The following LGI1 variants were observed in gnomAD, a reference collection of about 807,000 sequenced individuals.
The protein encoded by LGI1 is leucine-rich glioma-inactivated protein 1.
In LGI1, 11 loss-of-function variants were observed where a neutral mutation model predicts 57.7. The observed-to-expected ratio is 0.19, with a 90% confidence interval of 0.12 to 0.32. The LOEUF is 0.32. Among genes scored for constraint, LGI1 ranks in the 10% least tolerant of loss-of-function variants. The probability of loss-of-function intolerance (pLI) is 1.00; values close to 1 mark genes in which losing one functional copy is unlikely to be tolerated. For missense variants in LGI1, 422 were observed against 661.9 expected (o/e 0.64, Z 3.98); for synonymous variants, 222 against 241.9 (o/e 0.92, Z 0.76).
chr10:93,782,448 G>C (rs936657884), intron 4 of LGI1, among the ~76,000 whole-genome samples: 1 of 152,206 alleles, frequency 6.6e-6, no homozygotes, highest in Non-Finnish European at 1.5e-5. Context: ...ACAGGGCCTG[G>C]TATGTAGTAA....
rs2134020895 is a variant in LGI1 at position 93,792,840 on chromosome 10, G to A, written c.601G>A (p.Glu201Lys). 2.5e-6 allele frequency: 4 copies of A among 1,614,030 alleles called. No individual in the cohort carries two copies. The highest frequency in any genetic ancestry group is 3.4e-6 in the Non-Finnish European group (4 of 1,180,004). ...TNATVEDIYCEGPPEYKKRKI... is the reference protein window; with the variant it reads ...TNATVEDIYCKGPPEYKKRKI... ...TGCAACTGTTGAAGACATCTACTGC[G>A]AAGGCCCCCCAGAATACAAGAAGCG... Residue 201 changes from glutamate to lysine, a missense_variant, in exon 6 of 8, where the codon GAA (glutamate) becomes AAA (lysine). Transcript: ENST00000371418.
At position 93,789,639 on chromosome 10, in the gene LGI1, C is replaced by T. The variant is rs543978328; in HGVS notation, c.432-460C>T. ...CTGTAATCCCAGCACTTTGGGAGGC[C>T]GAGGCGGGTGGATCACTGAAGCTCA... On this transcript the variant is annotated intron_variant, in intron 4 of 7. Transcript: ENST00000371418. The T allele has an allele frequency of 1.1e-3, 186 of 167,486 alleles. 1 individual carries two copies. Among genetic ancestry groups the T allele is most frequent in the Admixed American group, 2.9e-3 (51 of 17,630 alleles). The allele number at this position is 167,486 out of a possible 1,614,324, so 10.4% of individuals were successfully genotyped here. A position where few individuals can be genotyped will look rare whatever the true frequency, so the allele number is the denominator to read the frequency against.
chr10:93,792,057 T>C, intron 5 of LGI1: 1 of 152,806 alleles, frequency 6.5e-6, no homozygotes, highest in Non-Finnish European at 1.5e-5. Flanking sequence ...AGAGACTGAA[T>C]TTTAAATTTT....
intron 7 of LGI1, chr10:93,794,829 A>AT (rs2134023637): frequency 6.6e-6 from 1 of 152,310 alleles, no homozygotes; most frequent in South Asian, 2.1e-4. Context: ...ATAAAAGGTA[A>AT]CCCTTTAGAC....
In LGI1 at chr10:93,793,212, T is replaced by C; in HGVS notation, c.700T>C (p.Tyr234His). The change falls in exon 7 of 8, where the codon TAT becomes CAT. Residue 234 changes from tyrosine (Y) to histidine (H), a missense_variant. By Grantham distance (83) the Tyr-to-His change is moderately conservative. Coordinates refer to ENST00000371418, the MANE Select transcript of LGI1 (RefSeq NM_005097.4). The part of the protein sequence containing the change: ...TEFAKSQDLP[Y>H]QSLSIDTFSY... ...ATTTGCAAAGTCTCAAGACCTGCCT[T>C]ATCAATCATTGTCCATAGACACTTT... 6.2e-7 allele frequency: 1 copy of C among 1,613,016 alleles called. No individual in the cohort carries two copies. Among genetic ancestry groups the C allele is most frequent in the South Asian group, 1.1e-5 (1 of 90,974 alleles).
intron 4 of LGI1, among the ~76,000 whole-genome samples, chr10:93,779,157 A>G (rs1272574998): frequency 6.6e-6 from 1 of 152,110 alleles, no homozygotes; most frequent in Admixed American, 6.6e-5. Flanking sequence ...AAACAAATAT[A>G]TGGAAGGAGA....
chr10:93,760,689 C>T (rs777224112), intron 2 of LGI1, among the ~76,000 whole-genome samples: 35 of 152,192 alleles, frequency 2.3e-4, no homozygotes, highest in Non-Finnish European at 4.1e-4. Flanking sequence ...AAATAGTTAC[C>T]GGCTGCTGCA....
intron 7 of LGI1, among the ~76,000 whole-genome samples, chr10:93,795,960 G>A (rs2059976234): frequency 1.3e-5 from 2 of 152,234 alleles, no homozygotes; most frequent in African/African-American, 2.4e-5. Context: ...CCCCGCACTA[G>A]CGCTGTAGTC....
chr10:93,767,686 T>C (rs536020377), intron 2 of LGI1: 6 of 152,242 alleles, frequency 3.9e-5, no homozygotes, highest in Admixed American at 2.6e-4. Flanking sequence ...GACCATTTTG[T>C]TAGTGTGGAT....
chr10:93,780,900 C>T (rs548292611), intron 4 of LGI1, among the ~76,000 whole-genome samples: 15 of 152,332 alleles, frequency 9.8e-5, no homozygotes, highest in Non-Finnish European at 1.6e-4. Context: ...TAGACGTATA[C>T]TTTCAGGTCC....
intron 2 of LGI1, chr10:93,767,726 C>T (rs2059693597): frequency 6.6e-6 from 1 of 152,118 alleles, no homozygotes; most frequent in African/African-American, 2.4e-5. Flanking sequence ...GAGTCAGGCT[C>T]CTCAGTAGGC....
intron 2 of LGI1, chr10:93,776,945 C>T: frequency 4.4e-6 from 1 of 229,836 alleles, no homozygotes; most frequent in Non-Finnish European, 8.6e-6. Flanking sequence ...ACCAGGCATG[C>T]AGCTTACTTT....
At chr10:93,759,836 A>C (rs1242548535) in intron 2 of LGI1, among the ~76,000 whole-genome samples, 2 of 152,204 alleles carry the variant, frequency 1.3e-5, no homozygotes, top group African/African-American at 4.8e-5. Flanking sequence ...TGGACGTTGG[A>C]GAGACAAGTG....
At chr10:93,774,429 T>C (rs1298326127) in intron 2 of LGI1, among the ~76,000 whole-genome samples, 7 of 152,070 alleles carry the variant, frequency 4.6e-5, no homozygotes, top group African/African-American at 1.7e-4. Context: ...TCTTGGTGGG[T>C]TTTCCACCAC....
intron 2 of LGI1, chr10:93,777,170 A>C (rs1352728779): frequency 1.8e-5 from 11 of 622,126 alleles, no homozygotes; most frequent in Non-Finnish European, 3.2e-5. Flanking sequence ...GGAATCGGGC[A>C]CCAGGCACCC....
intron 2 of LGI1, chr10:93,770,060 C>G (rs192275250): frequency 6.6e-6 from 1 of 152,306 alleles, no homozygotes; most frequent in Non-Finnish European, 1.5e-5. Flanking sequence ...CACCCTTCCC[C>G]CAACCATTCA....
At chr10:93,771,463 A>G (rs1433744421) in intron 2 of LGI1, 1 of 152,172 alleles carries the variant, frequency 6.6e-6, no homozygotes, top group Non-Finnish European at 1.5e-5. Flanking sequence ...TGGGGGCTAA[A>G]TAATATGTAC....
chr10:93,767,872 CTG>C, intron 2 of LGI1: 1 of 152,318 alleles, frequency 6.6e-6, no homozygotes, highest in South Asian at 2.1e-4. Context: ...TAAATATACA[CTG>C]TCACTGTTTT....
Position 93,758,570 on chromosome 10 carries a change from T to C in LGI1, c.216-190T>C. 1.4e-6 allele frequency: 1 copy of C among 690,692 alleles called. No homozygotes were observed. 42.8% of individuals were successfully genotyped at this position (690,692 alleles called of 1,614,324 possible). ...GCTTAGATACCCCCAGCCCTGAACATTATCATGAGAAACCTGTAGCCGATT... is the reference window on the plus strand; with the variant it reads ...GCTTAGATACCCCCAGCCCTGAACACTATCATGAGAAACCTGTAGCCGATT... On this transcript the variant is annotated intron_variant, in intron 1 of 7. Coordinates refer to ENST00000371418, the MANE Select transcript of LGI1 (RefSeq NM_005097.4). The surrounding 1 kb of genome is among the most constrained non-coding windows in gnomAD (Gnocchi z 4.7).
Sources: gnomAD v4.1 joint callset for allele counts (sites outside exome capture counted in the v4.1 genomes callset) on GRCh38, gnomAD v4.1.1 for gene constraint, Gnocchi (gnomAD v3.1) non-coding constraint, MANE v1.5 for transcripts, NCBI Gene and HGNC (gene_info 2026-07-23, HGNC 2026-07-21) for gene names.